Variants in AK5 observed in about 807,000 individuals in gnomAD.
The protein encoded by AK5 is adenylate kinase 5.
Under a neutral mutation model 69.5 loss-of-function variants are expected in AK5, and 27 were observed. The observed-to-expected ratio is 0.39, with a 90% CI of 0.29 to 0.54. The LOEUF (loss-of-function observed/expected upper bound fraction) is 0.54, where lower values mean the gene tolerates loss of function less well. AK5 is among the 20% of genes least tolerant of loss of function. The probability of loss-of-function intolerance (pLI) is 0.71; values close to 1 mark genes in which losing one functional copy is unlikely to be tolerated. For synonymous variants in AK5, 260 were observed against 244.4 expected, an observed-to-expected ratio of 1.06 and a Z score of -0.60; for missense variants, 531 against 700.4, an observed-to-expected ratio of 0.76 and a Z score of 2.73.
chr1:77,511,965 G>C (rs1226948997), intron 10 of AK5, among the ~76,000 whole-genome samples: 1 of 152,200 alleles, frequency 6.6e-6, no homozygotes, highest in Admixed American at 6.5e-5. Flanking sequence ...ATCAGAGTGG[G>C]AGAATAGATC....
rs114751377 is a variant in AK5 at position 77,464,651 on chromosome 1, C to T, written c.1060-18666C>T. ...CTCATCAGTGGCAAAGATAAGCCTACGGGATAGGCTGGCCCAGATCAGAAA... is the reference window on the plus strand; with the variant it reads ...CTCATCAGTGGCAAAGATAAGCCTATGGGATAGGCTGGCCCAGATCAGAAA... On this transcript the variant is annotated intron_variant, in intron 8 of 13. Coordinates refer to ENST00000354567, the MANE Select transcript of AK5 (RefSeq NM_174858.3). Among the ~76,000 whole-genome samples, 144 of 152,200 alleles carry T rather than the reference C, an allele frequency of 9.5e-4. 1 individual carries two copies. Among genetic ancestry groups the T allele is most frequent in the African/African-American group, 3.3e-3 (138 of 41,520 alleles).
rs374154138 is a variant in AK5 at position 77,346,850 on chromosome 1, T to TA, written c.891+6284dup. On this transcript the variant is annotated intron_variant, in intron 6 of 13. Transcript: ENST00000354567. ...CACTTATCAGCAACCCACCTAAACA[T>TA]AAGAAAAGCAAACAAACATTTGATA... Among the ~76,000 whole-genome samples, 7 of 152,172 alleles carry TA rather than the reference T, an allele frequency of 4.6e-5. 1 individual carries two copies. The highest frequency in any genetic ancestry group is 1.7e-4 in the African/African-American group (7 of 41,482).
At chr1:77,484,041 T>C (rs111839161) in intron 9 of AK5, among the ~76,000 whole-genome samples, 121 of 152,124 alleles carry the variant, frequency 8.0e-4, no homozygotes, top group African/African-American at 2.7e-3. Context: ...GGTGCACACC[T>C]GTAATCCCAG....
intron 13 of AK5, among the ~76,000 whole-genome samples, 183 bp from the exon 14 acceptor site, chr1:77,558,419 G>T (rs1660237598): frequency 7.0e-6 from 1 of 143,240 alleles, no homozygotes; most frequent in South Asian, 2.3e-4. Context: ...GTACTTCATT[G>T]TTTTTTTAAT....
At chr1:77,487,637 C>G (rs1570242984) in intron 10 of AK5, among the ~76,000 whole-genome samples, 1 of 152,216 alleles carries the variant, frequency 6.6e-6, no homozygotes, top group African/African-American at 2.4e-5. Flanking sequence ...GGGTAAAGTT[C>G]TCTCATTGTT....
At chr1:77,536,757 T>A (rs1460678610) in intron 13 of AK5, among the ~76,000 whole-genome samples, 1 of 152,236 alleles carries the variant, frequency 6.6e-6, no homozygotes, top group Non-Finnish European at 1.5e-5. Context: ...TCTATAATTT[T>A]ACATCGTTCA....
intron 9 of AK5, among the ~76,000 whole-genome samples, chr1:77,484,589 C>T (rs1426156997): frequency 6.6e-6 from 1 of 152,160 alleles, no homozygotes; most frequent in Non-Finnish European, 1.5e-5. Context: ...TGCAAATAAT[C>T]AACTTGGTCT....
At chr1:77,513,057 T>A (rs895461896) in intron 10 of AK5, among the ~76,000 whole-genome samples, 1 of 152,222 alleles carries the variant, frequency 6.6e-6, no homozygotes, top group African/African-American at 2.4e-5. Flanking sequence ...ACGTGACTAG[T>A]AAGTGGTGGA....
At chr1:77,467,749 TAGG>T (rs1654228879) in intron 8 of AK5, among the ~76,000 whole-genome samples, 1 of 152,242 alleles carries the variant, frequency 6.6e-6, no homozygotes, top group South Asian at 2.1e-4. Flanking sequence ...TTTAAAGTTT[TAGG>T]TCTTTACAAC....
chr1:77,466,184 C>T (rs767553806), intron 8 of AK5, among the ~76,000 whole-genome samples: 2 of 152,156 alleles, frequency 1.3e-5, no homozygotes, highest in Non-Finnish European at 2.9e-5. Context: ...GCTCTTCCTG[C>T]AGCCCTTTGC....
intron 6 of AK5, among the ~76,000 whole-genome samples, chr1:77,372,727 T>G (rs1414095269): frequency 6.6e-6 from 1 of 151,974 alleles, no homozygotes; most frequent in African/African-American, 2.4e-5. Context: ...GTCACAATTT[T>G]CAAACATTTT....
chr1:77,330,852 A>C (rs149245636), intron 5 of AK5, among the ~76,000 whole-genome samples: 94 of 152,316 alleles, frequency 6.2e-4, no homozygotes, highest in African/African-American at 2.2e-3. Context: ...AATATGGCAC[A>C]TGCCTCATTT....
At chr1:77,434,238 T>C (rs1272212892) in intron 8 of AK5, among the ~76,000 whole-genome samples, 1 of 152,066 alleles carries the variant, frequency 6.6e-6, no homozygotes, top group African/African-American at 2.4e-5. Flanking sequence ...TTCTGACTGA[T>C]ATATTAGATT....
intron 10 of AK5, among the ~76,000 whole-genome samples, chr1:77,490,698 A>T (rs889486206): frequency 6.6e-5 from 10 of 152,044 alleles, no homozygotes; most frequent in Admixed American, 2.6e-4. Context: ...ATGTAAAAAT[A>T]GCCTTTAAAG....
At chr1:77,439,184 T>G (rs948721867) in intron 8 of AK5, among the ~76,000 whole-genome samples, 1 of 152,196 alleles carries the variant, frequency 6.6e-6, no homozygotes. Context: ...TTTGGGAATG[T>G]ACATTGCCAT....
intron 3 of AK5, among the ~76,000 whole-genome samples, chr1:77,295,861 A>T (rs1658974857): frequency 6.6e-6 from 1 of 152,302 alleles, no homozygotes; most frequent in East Asian, 1.9e-4. Context: ...ATAAACTAAG[A>T]TCTTCGGAGA....
chr1:77,425,810 A>G (rs1371159294), intron 8 of AK5, among the ~76,000 whole-genome samples: 1 of 152,202 alleles, frequency 6.6e-6, no homozygotes, highest in African/African-American at 2.4e-5. Flanking sequence ...AATAAATGAG[A>G]GCAATGATAC....
At chr1:77,550,275 C>CT (rs1369859140) in intron 13 of AK5, among the ~76,000 whole-genome samples, 1 of 152,198 alleles carries the variant, frequency 6.6e-6, no homozygotes, top group African/African-American at 2.4e-5. Flanking sequence ...AGCAAATCTA[C>CT]TTACCTAGTT....
At chr1:77,317,828 A>G (rs1250135471) in intron 5 of AK5, among the ~76,000 whole-genome samples, 1 of 152,252 alleles carries the variant, frequency 6.6e-6, no homozygotes, top group East Asian at 1.9e-4. Context: ...TGTATTGTCC[A>G]GTCTCCCTGA....
Sources: gnomAD v4.1 joint callset for allele counts (sites outside exome capture counted in the v4.1 genomes callset) on GRCh38, gnomAD v4.1.1 for gene constraint, MANE v1.5 for transcripts, NCBI Gene and HGNC (gene_info 2026-07-23, HGNC 2026-07-21) for gene names.